Variants in FAM193B observed in about 807,000 individuals in gnomAD.
FAM193B encodes family with sequence similarity 193 member B.
FAM193B carries 27 observed loss-of-function variants against 70.7 expected under a neutral mutation model. The observed-to-expected ratio is 0.38, with a 90% confidence interval of 0.28 to 0.53. The LOEUF (loss-of-function observed/expected upper bound fraction) is 0.53, where lower values mean the gene tolerates loss of function less well. Ranked by LOEUF, FAM193B falls within the 20% of genes least tolerant of loss-of-function variation. The pLI, the probability that FAM193B is intolerant of heterozygous loss-of-function variation, is 0.81. For synonymous variants in FAM193B, 448 were observed against 436.0 expected (o/e 1.03, Z -0.34); for missense variants, 1,022 against 1,072.5 (o/e 0.95, Z 0.66).
At chr5:177,524,107 C>T in intron 6 of FAM193B, 75 bp from the exon 7 acceptor site, 1 of 1,611,526 alleles carries the variant, frequency 6.2e-7, no homozygotes. Flanking sequence ...GCAGCGCTGT[C>T]TACACACAAA....
At chr5:177,546,659 G>A (rs1209112356) in intron 1 of FAM193B, among the ~76,000 whole-genome samples, 2 of 152,192 alleles carry the variant, frequency 1.3e-5, no homozygotes, top group Non-Finnish European at 1.5e-5. Context: ...CCACCTCAGT[G>A]CCCTGGAGCT....
At chr5:177,527,927 C>T (rs1040516800) in intron 5 of FAM193B, among the ~76,000 whole-genome samples, 1 of 152,196 alleles carries the variant, frequency 6.6e-6, no homozygotes, top group Non-Finnish European at 1.5e-5. Flanking sequence ...GTGGGACGTC[C>T]ACAAGGAGGT....
chr5:177,529,265 G>A (rs892237272), intron 5 of FAM193B, among the ~76,000 whole-genome samples: 9 of 151,254 alleles, frequency 6.0e-5, no homozygotes, highest in African/African-American at 1.2e-4. Flanking sequence ...AGAGTGTCAC[G>A]GGCTGGCAGT....
At chr5:177,523,826 G>T (rs1042942689) in intron 7 of FAM193B, 131 bp downstream of exon 7, 3 of 942,018 alleles carry the variant, frequency 3.2e-6, no homozygotes, top group Non-Finnish European at 3.3e-6. Context: ...GCCTGGGGGG[G>T]CGGTGAGCCT....
At chr5:177,523,905 G>C in intron 7 of FAM193B, 52 bp downstream of exon 7, 2 of 1,591,480 alleles carry the variant, frequency 1.3e-6, no homozygotes, top group South Asian at 2.2e-5. Flanking sequence ...GCTTGAGTGT[G>C]GGCAGGACCT....
intron 1 of FAM193B, among the ~76,000 whole-genome samples, chr5:177,541,541 C>T (rs1173600692): frequency 6.6e-6 from 1 of 152,166 alleles, no homozygotes; most frequent in African/African-American, 2.4e-5. Flanking sequence ...GCCTCAGCCT[C>T]CCGAGTAGCC....
chr5:177,532,337 C>T lies in FAM193B; in HGVS notation c.1275+106G>A, dbSNP rs761423075. Reference sequence around the variant, plus strand: ...GGTGCAAGGACTCACGGCCCCAGCACGGTAATTACCACCGTGAGCAACGGG... The same window carrying T: ...GGTGCAAGGACTCACGGCCCCAGCATGGTAATTACCACCGTGAGCAACGGG... On this transcript the variant is annotated intron_variant, in intron 5 of 8. Coordinates refer to ENST00000514747, the MANE Select transcript of FAM193B (RefSeq NM_001190946.3). This position sits in a 1 kb window ranked among gnomAD's most constrained non-coding sequence, Gnocchi z 4.9. The T allele has an allele frequency of 2.2e-5, 33 of 1,499,782 alleles. No individual in the cohort carries two copies. In the South Asian group the frequency reaches 2.5e-4, roughly 12 times the overall value. 92.9% of individuals were successfully genotyped at this position (1,499,782 alleles called of 1,614,324 possible).
Position 177,532,601 on chromosome 5 carries a change from G to C in FAM193B, c.1117C>G (p.Leu373Val). The C allele has an allele frequency of 6.3e-7, 1 of 1,589,952 alleles. No individual in the cohort carries two copies. The highest frequency in any genetic ancestry group is 1.1e-5 in the South Asian group (1 of 87,212). ...CAGGGCTGGGGCAGCTGGCAAGCCA[G>C]GCCACTGTGTGCAAACTTGTGCCCC... ...CKGHKFAHSGLACQLPQPCEA... is the reference protein window; with the variant it reads ...CKGHKFAHSGVACQLPQPCEA... Residue 373 changes from leucine to valine, a missense_variant, in exon 5 of 9, where the codon CTG (leucine) becomes GTG (valine). Physicochemically the swap from Leu to Val is conservative, Grantham distance 32. Coordinates refer to ENST00000514747, the MANE Select transcript of FAM193B (RefSeq NM_001190946.3). The surrounding 1 kb of genome is among the most constrained non-coding windows in gnomAD (Gnocchi z 4.9).
Position 177,521,957 on chromosome 5 carries a change from T to C in FAM193B, c.*1+17A>G, listed in dbSNP as rs768692947. 6.2e-7 allele frequency: 1 copy of C among 1,605,424 alleles called. No individual in the cohort carries two copies. The highest frequency in any genetic ancestry group is 1.1e-5 in the South Asian group (1 of 90,866). On this transcript the variant is annotated intron_variant, in intron 8 of 8. Transcript: ENST00000514747. The stretch of plus-strand genomic sequence containing the variant: ...CACAGGGAGAGGCAGTGGATGTAAC[T>C]CTTGGGGTCTCTGTACCTCACTGAG...
Position 177,554,297 on chromosome 5 carries a change from G to A in FAM193B, c.162C>T (p.His54=). Residue 54 remains histidine, a synonymous_variant, in exon 1 of 9, where the codon CAC becomes CAT. Transcript: ENST00000514747. ...GPPEAPAEPD[H]DGPREDDEPN... ...GTTCGTCATCCTCCCTGGGGCCGTC[G>A]TGGTCGGGCTCCGCCGGCGCCTCCG... 3 of 1,383,838 alleles carry A rather than the reference G, an allele frequency of 2.2e-6. No individual in the cohort carries two copies. The highest frequency in any genetic ancestry group is 2.8e-6 in the Non-Finnish European group (3 of 1,062,228). 85.7% of individuals were successfully genotyped at this position (1,383,838 alleles called of 1,614,324 possible).
chr5:177,540,968 A>G (rs191022750), intron 1 of FAM193B, among the ~76,000 whole-genome samples: 21 of 152,372 alleles, frequency 1.4e-4, no homozygotes, highest in Non-Finnish European at 1.2e-4. Flanking sequence ...TGTTACCATT[A>G]CACTGACTTG....
Position 177,532,225 on chromosome 5 carries a change from G to T in FAM193B, c.1275+218C>A. 1.3e-6 allele frequency: 2 copies of T among 1,503,068 alleles called. No homozygotes were observed. The highest frequency in any genetic ancestry group is 1.3e-5 in the South Asian group (1 of 79,382). The allele number at this position is 1,503,068 out of a possible 1,614,324, so 93.1% of individuals were successfully genotyped here. On this transcript the variant is annotated intron_variant, in intron 5 of 8. Coordinates refer to ENST00000514747, the MANE Select transcript of FAM193B (RefSeq NM_001190946.3). This position sits in a 1 kb window ranked among gnomAD's most constrained non-coding sequence, Gnocchi z 4.9. ...CCTAAGGAAAAAAAGTCAATCTTAA[G>T]AGAAACCATGAGAAGAGCAAAGGTA...
At chr5:177,549,379 G>C (rs771843959) in intron 1 of FAM193B, among the ~76,000 whole-genome samples, 37 of 151,920 alleles carry the variant, frequency 2.4e-4, no homozygotes, top group Non-Finnish European at 2.9e-4. Flanking sequence ...ATTTTTAGTA[G>C]AGACAGGGTT....
rs1766825182 is a variant in FAM193B, at chr5:177,554,533, ACCGCTC to A, written c.-81_-76del. 5 of 584,930 alleles carry A rather than the reference ACCGCTC, an allele frequency of 8.5e-6. No homozygotes were observed. The highest frequency in any genetic ancestry group is 1.0e-5 in the Non-Finnish European group (5 of 479,794). The allele number at this position is 584,930 out of a possible 1,614,324, so 36.2% of individuals were successfully genotyped here. A position where few individuals can be genotyped will look rare whatever the true frequency, so the allele number is the denominator to read the frequency against. On this transcript the variant is annotated 5_prime_UTR_variant, in exon 1 of 9. Coordinates refer to ENST00000514747, the MANE Select transcript of FAM193B (RefSeq NM_001190946.3). ...CGCCGCCGCCGCCGCCGCCGCCGCT[ACCGCTC>A]CCCTCACAGGACAACAGCCAATATG...
intron 5 of FAM193B, chr5:177,531,828 C>T: frequency 9.0e-7 from 1 of 1,115,722 alleles, no homozygotes; most frequent in South Asian, 1.6e-5. Context: ...CTTTGTGAGC[C>T]TCAATTTTGT....
At chr5:177,542,744 TCTC>T (rs1211845374) in intron 1 of FAM193B, among the ~76,000 whole-genome samples, 3 of 152,220 alleles carry the variant, frequency 2.0e-5, no homozygotes, top group Admixed American at 6.5e-5. Flanking sequence ...GTAATTCACT[TCTC>T]CTCTCCCATC....
At chr5:177,551,187 G>A (rs1325023028) in intron 1 of FAM193B, among the ~76,000 whole-genome samples, 2 of 152,122 alleles carry the variant, frequency 1.3e-5, no homozygotes, top group African/African-American at 2.4e-5. Flanking sequence ...CACAAAGCTA[G>A]GAGGCTAAGC....
In FAM193B at chr5:177,532,656, GA is replaced by G; in HGVS notation, c.1077-16del. 2 of 1,523,128 alleles carry G rather than the reference GA, an allele frequency of 1.3e-6. No individual in the cohort carries two copies. The highest frequency in any genetic ancestry group is 1.3e-5 in the South Asian group (1 of 77,512). 94.4% of individuals were successfully genotyped at this position (1,523,128 alleles called of 1,614,324 possible). On this transcript the variant is annotated splice_polypyrimidine_tract_variant and intron_variant, in intron 4 of 8. Coordinates refer to ENST00000514747, the MANE Select transcript of FAM193B (RefSeq NM_001190946.3). This position sits in a 1 kb window ranked among gnomAD's most constrained non-coding sequence, Gnocchi z 4.9. ...ACCCGGGATCCCTGATGATGGGGAG[GA>G]AGGCCCAGAGGTGAGGCAGGGTGAT...
intron 1 of FAM193B, among the ~76,000 whole-genome samples, chr5:177,551,172 G>A (rs183550138): frequency 2.7e-4 from 41 of 152,256 alleles, no homozygotes; most frequent in Admixed American, 1.3e-3. Flanking sequence ...AGCAACTTGC[G>A]GAGTCACAAA....
Sources: allele counts gnomAD v4.1 joint callset (sites outside exome capture counted in the v4.1 genomes callset), GRCh38; gene constraint gnomAD v4.1.1; non-coding constraint Gnocchi (gnomAD v3.1); transcripts MANE v1.5; gene names NCBI Gene and HGNC (gene_info 2026-07-23, HGNC 2026-07-21).